The following EML6 variants were observed in gnomAD, a reference collection of about 807,000 sequenced individuals.
The protein encoded by EML6 is EMAP like 6.
EML6 carries 154 observed loss-of-function variants against 240.1 expected under a neutral mutation model. The observed-to-expected ratio is 0.64, with a 90% confidence interval of 0.56 to 0.73. The LOEUF (loss-of-function observed/expected upper bound fraction) is 0.73. EML6 is among the 30% of genes least tolerant of loss of function. The pLI is 0.00. For missense variants in EML6, 2,964 were observed against 2,474.6 expected (o/e 1.20, Z -4.20); for synonymous variants, 1,148 against 899.0 (o/e 1.28, Z -4.95).
rs1482560369 is a variant in EML6, at chr2:54,896,240, A to T, written c.2982+840A>T. 2.0e-5 allele frequency among the ~76,000 whole-genome samples: 3 copies of T among 152,138 alleles called. No individual in the cohort carries two copies. In the East Asian group the frequency reaches 5.8e-4, roughly 29 times the overall value. Reference sequence around the variant, plus strand: ...TCCAGGTGTGGAAGAAGTGCCTTAGATGTAAGTCCTGTCAATCTGTCCGTC... The same window carrying T: ...TCCAGGTGTGGAAGAAGTGCCTTAGTTGTAAGTCCTGTCAATCTGTCCGTC... On this transcript the variant is annotated intron_variant, in intron 21 of 41. Transcript: ENST00000356458.
At chr2:54,812,183 T>C (rs1266575365) in intron 2 of EML6, among the ~76,000 whole-genome samples, 2 of 152,100 alleles carry the variant, frequency 1.3e-5, no homozygotes, top group African/African-American at 4.8e-5. Context: ...TTCTGTATTA[T>C]CTGTATTTTT....
chr2:54,827,667 C>A lies in EML6; in HGVS notation c.627C>A (p.Asp209Glu). Reference sequence around the variant, plus strand: ...TTTGCCTTGCATGTGCCAAAGAAGACATCACCTACTCTGGTGCTTTAAATG... The same window carrying A: ...TTTGCCTTGCATGTGCCAAAGAAGAAATCACCTACTCTGGTGCTTTAAATG... ...TILCLACAKE[D>E]ITYSGALNGD... is the part of the protein sequence containing the mutation. The change falls in exon 6 of 42, where the codon GAC becomes GAA. Residue 209 changes from aspartate to glutamate, a missense_variant. Transcript: ENST00000356458. 1 of 1,551,586 alleles carries A rather than the reference C, an allele frequency of 6.4e-7. No homozygotes were observed. The highest frequency in any genetic ancestry group is 1.2e-5 in the South Asian group (1 of 84,062).
chr2:54,850,578 G>GA (rs34233616), intron 10 of EML6, among the ~76,000 whole-genome samples: 67,329 of 150,252 alleles, frequency 0.45, 15,299 homozygotes, highest in Middle Eastern at 0.53. Context: ...TAAGAGCAAG[G>GA]AAAAAAAAAC....
chr2:54,797,183 A>AAAAAACAAAAAAAAAAAAAAC (rs1669856809), intron 2 of EML6, among the ~76,000 whole-genome samples: 1 of 149,200 alleles, frequency 6.7e-6, no homozygotes, highest in Non-Finnish European at 1.5e-5. Context: ...AAAAAAAAAA[A>AAAAAACAAAAAAAAAAAAAAC]AAAAAACTGT....
rs1371566179 is a variant in EML6 at position 54,957,960 on chromosome 2, G to A, written c.4657G>A (p.Ala1553Thr). Residue 1553 changes from alanine (A) to threonine (T), a missense_variant, in exon 33 of 42, where the codon GCC becomes ACC. By Grantham distance (58) the Ala-to-Thr change is moderately conservative (BLOSUM62 0). Coordinates refer to ENST00000356458, the MANE Select transcript of EML6 (RefSeq NM_001039753.4). ...KKGVIGSLGA[A>T]KMQTMLSVAF... ...AGGGGTCATCGGGTCCCTGGGAGCT[G>A]CCAAAATGCAGACGATGCTCTCCGT... 1.9e-6 allele frequency: 3 copies of A among 1,551,490 alleles called. No homozygotes were observed. The highest frequency in any genetic ancestry group is 2.6e-6 in the Non-Finnish European group (3 of 1,146,870).
In EML6 at chr2:54,968,819, C is replaced by T. The variant is rs73936508; in HGVS notation, c.5852+51C>T. ...TACTCCACAGGCCTGGCCAGCTCTC[C>T]CTCCCCATCTCAGGCATCCCGTGGG... On this transcript the variant is annotated intron_variant, in intron 41 of 41. Transcript: ENST00000356458. 7.6e-3 allele frequency: 7,631 copies of T among 1,007,994 alleles called. 289 individuals are homozygous for T. The African/African-American group carries it at 0.093, about 12-fold the overall frequency. The allele number at this position is 1,007,994 out of a possible 1,614,324, so 62.4% of individuals were successfully genotyped here.
intron 28 of EML6, among the ~76,000 whole-genome samples, chr2:54,946,006 C>G (rs1431629863): frequency 3.9e-5 from 6 of 152,216 alleles, no homozygotes; most frequent in Admixed American, 2.0e-4. Flanking sequence ...ACACCAAGCC[C>G]CAGGCTGGAG....
chr2:54,766,738 G>A lies in EML6; in HGVS notation c.197+41480G>A, dbSNP rs1437305738. On this transcript the variant is annotated intron_variant, in intron 2 of 41. Transcript: ENST00000356458. Reference sequence around the variant, plus strand: ...TTTTAGCATCAACTGATGATTCATGGCATAGTAAATTATTATTATGATTGC... The same window carrying A: ...TTTTAGCATCAACTGATGATTCATGACATAGTAAATTATTATTATGATTGC... Among the ~76,000 whole-genome samples the A allele has an allele frequency of 2.0e-5, 3 of 151,942 alleles. No individual in the cohort carries two copies. In the East Asian group the frequency reaches 5.8e-4, roughly 29 times the overall value.
intron 11 of EML6, among the ~76,000 whole-genome samples, chr2:54,854,799 T>A (rs935481190): frequency 1.6e-4 from 25 of 152,242 alleles, no homozygotes; most frequent in Admixed American, 1.1e-3. Flanking sequence ...CAGAATTATC[T>A]CAACATGCCC....
intron 26 of EML6, among the ~76,000 whole-genome samples, chr2:54,925,595 A>G (rs920498316): frequency 5.9e-5 from 9 of 152,280 alleles, no homozygotes; most frequent in Admixed American, 5.2e-4. Context: ...TCCATGCCAG[A>G]CAAGTATCTT....
chr2:54,849,905 A>G, intron 9 of EML6, 57 bp from the exon 10 acceptor site: 1 of 1,425,102 alleles, frequency 7.0e-7, no homozygotes, highest in Non-Finnish European at 9.5e-7. Flanking sequence ...ATATTTTAAA[A>G]CTTGGATTTT....
chr2:54,790,420 G>C (rs1016754983), intron 2 of EML6, among the ~76,000 whole-genome samples: 2 of 152,164 alleles, frequency 1.3e-5, no homozygotes, highest in African/African-American at 2.4e-5. Flanking sequence ...GCTGTACTCT[G>C]AATTGCAGAG....
intron 2 of EML6, among the ~76,000 whole-genome samples, chr2:54,742,583 C>T (rs1683700783): frequency 6.6e-6 from 1 of 152,192 alleles, no homozygotes; most frequent in Admixed American, 6.5e-5. Flanking sequence ...CCCAGTTATG[C>T]AGGCGACTGG....
At chr2:54,726,664 G>A (rs1682922971) in intron 2 of EML6, among the ~76,000 whole-genome samples, 1 of 152,050 alleles carries the variant, frequency 6.6e-6, no homozygotes, top group Non-Finnish European at 1.5e-5. Flanking sequence ...TGTGCTTGGG[G>A]CATCCTTACA....
intron 24 of EML6, among the ~76,000 whole-genome samples, chr2:54,906,261 G>C (rs139961345): frequency 6.6e-6 from 1 of 152,136 alleles, no homozygotes; most frequent in Non-Finnish European, 1.5e-5. Flanking sequence ...TTTCATTTGC[G>C]TTTAGGGAGT....
At chr2:54,872,895 A>T (rs749651471) in intron 16 of EML6, among the ~76,000 whole-genome samples, 1 of 152,052 alleles carries the variant, frequency 6.6e-6, no homozygotes, top group Non-Finnish European at 1.5e-5. Context: ...CATTGCTCTT[A>T]TGGCACCCAT....
intron 26 of EML6, among the ~76,000 whole-genome samples, chr2:54,924,554 T>G (rs6545460): frequency 6.6e-6 from 1 of 152,090 alleles, no homozygotes; most frequent in Non-Finnish European, 1.5e-5. Flanking sequence ...TATTTTTTTT[T>G]AAAAAAATTA....
chr2:54,807,934 A>C (rs896323969), intron 2 of EML6, among the ~76,000 whole-genome samples: 2 of 152,200 alleles, frequency 1.3e-5, no homozygotes, highest in African/African-American at 4.8e-5. Flanking sequence ...CATACCAGTA[A>C]GTATAGCATA....
chr2:54,795,032 A>G (rs748083818), intron 2 of EML6, among the ~76,000 whole-genome samples: 2 of 152,142 alleles, frequency 1.3e-5, no homozygotes, highest in Non-Finnish European at 2.9e-5. Flanking sequence ...CCATTCTTAC[A>G]TAGTACTATT....
Sources: allele counts gnomAD v4.1 joint callset (sites outside exome capture counted in the v4.1 genomes callset), GRCh38; gene constraint gnomAD v4.1.1; transcripts MANE v1.5; gene names NCBI Gene and HGNC (gene_info 2026-07-23, HGNC 2026-07-21).